HS3ST4: variants seen among roughly 807,000 people sequenced by gnomAD.
HS3ST4 encodes the protein heparan sulfate glucosamine 3-O-sulfotransferase 4.
A neutral mutation model predicts 29.2 loss-of-function variants in HS3ST4; 17 were observed. That is an observed-to-expected ratio of 0.58 (90% CI 0.40 to 0.87). The LOEUF is 0.87. Among genes scored for constraint, HS3ST4 ranks in the 40% least tolerant of loss-of-function variants. HS3ST4 has a pLI of 0.00. For synonymous variants in HS3ST4, 314 were observed against 285.7 expected (o/e 1.10, Z -1.00); for missense variants, 627 against 634.5 (o/e 0.99, Z 0.13).
chr16:26,109,871 CAT>C (rs1392612882), intron 1 of HS3ST4, among the ~76,000 whole-genome samples: 1 of 152,078 alleles, frequency 6.6e-6, no homozygotes, highest in Non-Finnish European at 1.5e-5. Flanking sequence ...AGCAAATTAA[CAT>C]ATCAATCACA....
In HS3ST4 at chr16:26,042,042, T is replaced by G. The variant is rs565334349; in HGVS notation, c.735-93570T>G. ...TGATCTACTGATGCATAATTGTTCC[T>G]GGCAAGCAGCAAAAGCTTGGCTGAA... On this transcript the variant is annotated intron_variant, in intron 1 of 1. Coordinates refer to ENST00000331351, the MANE Select transcript of HS3ST4 (RefSeq NM_006040.3). 3.9e-5 allele frequency among the ~76,000 whole-genome samples: 6 copies of G among 152,326 alleles called. No homozygotes were observed. In the East Asian group the frequency reaches 7.7e-4, roughly 20 times the overall value.
intron 1 of HS3ST4, among the ~76,000 whole-genome samples, chr16:26,025,595 A>G (rs1969462378): frequency 6.6e-6 from 1 of 152,188 alleles, no homozygotes; most frequent in South Asian, 2.1e-4. Flanking sequence ...GTTCTTTATT[A>G]GAGGGTACAG....
At chr16:25,961,239 CCTT>C (rs1248458739) in intron 1 of HS3ST4, among the ~76,000 whole-genome samples, 2 of 152,146 alleles carry the variant, frequency 1.3e-5, no homozygotes, top group African/African-American at 4.8e-5. Flanking sequence ...CATACTTACT[CCTT>C]CTGTGTGGAA....
chr16:25,956,440 A>G (rs1290218119), intron 1 of HS3ST4, among the ~76,000 whole-genome samples: 1 of 152,202 alleles, frequency 6.6e-6, no homozygotes, highest in African/African-American at 2.4e-5. Flanking sequence ...TATTCAACCT[A>G]ATACTCAAAG....
At chr16:26,051,322 C>T (rs1898343352) in intron 1 of HS3ST4, among the ~76,000 whole-genome samples, 1 of 152,124 alleles carries the variant, frequency 6.6e-6, no homozygotes, top group Non-Finnish European at 1.5e-5. Flanking sequence ...GAGCCATATG[C>T]AGATTTCAGG....
chr16:25,933,519 T>C (rs1043103873), intron 1 of HS3ST4: 1 of 425,452 alleles, frequency 2.4e-6, no homozygotes, highest in African/African-American at 2.1e-5. Context: ...GGCCTCTCTT[T>C]ATGAACTCTC....
At chr16:26,050,902 A>C (rs547215037) in intron 1 of HS3ST4, among the ~76,000 whole-genome samples, 2 of 152,334 alleles carry the variant, frequency 1.3e-5, no homozygotes, top group East Asian at 3.9e-4. Context: ...GCTTCTACTC[A>C]GAAGGCCTAA....
intron 1 of HS3ST4, among the ~76,000 whole-genome samples, chr16:26,106,232 G>C (rs186366952): frequency 6.6e-6 from 1 of 152,160 alleles, no homozygotes; most frequent in East Asian, 1.9e-4. Flanking sequence ...ACATTTCTTG[G>C]TGTCTGTTGA....
intron 1 of HS3ST4, among the ~76,000 whole-genome samples, chr16:26,133,227 G>A (rs1279914812): frequency 6.6e-6 from 1 of 151,948 alleles, no homozygotes; most frequent in African/African-American, 2.4e-5. Context: ...ACATTGAACC[G>A]GCATGATCCC....
chr16:25,980,468 C>T lies in HS3ST4; in HGVS notation c.735-155144C>T, dbSNP rs138545465. ...GACACCCTGTACTCCCTGACCACAG[C>T]GTTTATCACCATGTATCGAGTTCCA... On this transcript the variant is annotated intron_variant, in intron 1 of 1. Coordinates refer to ENST00000331351, the MANE Select transcript of HS3ST4 (RefSeq NM_006040.3). Among the ~76,000 whole-genome samples, 184 of 152,262 alleles carry T rather than the reference C, an allele frequency of 1.2e-3. 1 individual carries two copies. The highest frequency in any genetic ancestry group is 4.4e-3 in the African/African-American group (184 of 41,548).
intron 1 of HS3ST4, among the ~76,000 whole-genome samples, chr16:25,791,961 A>G (rs1215334769): frequency 2.0e-5 from 3 of 151,944 alleles, no homozygotes; most frequent in African/African-American, 7.2e-5. Context: ...GAAACTTGCA[A>G]TATTTTAAAT....
intron 1 of HS3ST4, among the ~76,000 whole-genome samples, chr16:25,777,504 C>T (rs1966848696): frequency 6.6e-6 from 1 of 152,112 alleles, no homozygotes; most frequent in South Asian, 2.1e-4. Flanking sequence ...CGCGGTGGCT[C>T]GCGCCTGTAA....
chr16:25,778,755 G>A (rs1237817427), intron 1 of HS3ST4, among the ~76,000 whole-genome samples: 3 of 152,020 alleles, frequency 2.0e-5, no homozygotes, highest in African/African-American at 7.2e-5. Context: ...AGAAGAAGGA[G>A]GAGGAGAAGA....
chr16:26,030,397 G>A (rs565165372), intron 1 of HS3ST4, among the ~76,000 whole-genome samples: 4 of 152,242 alleles, frequency 2.6e-5, no homozygotes, highest in South Asian at 2.1e-4. Context: ...CGGGTGAGAC[G>A]CCGTCTCTAA....
intron 1 of HS3ST4, among the ~76,000 whole-genome samples, chr16:25,958,519 C>T (rs1425161895): frequency 5.9e-5 from 9 of 152,038 alleles, no homozygotes; most frequent in South Asian, 2.1e-4. Context: ...TTAGTAGAGA[C>T]GGGGTTTCAC....
chr16:26,097,072 C>G (rs1176107628), intron 1 of HS3ST4, among the ~76,000 whole-genome samples: 1 of 151,958 alleles, frequency 6.6e-6, no homozygotes. Flanking sequence ...CACTGCTCAA[C>G]AAAATAAAAG....
At chr16:25,815,940 G>A (rs1967089286) in intron 1 of HS3ST4, among the ~76,000 whole-genome samples, 1 of 151,746 alleles carries the variant, frequency 6.6e-6, no homozygotes, top group South Asian at 2.1e-4. Flanking sequence ...TATTTTGGAG[G>A]GCCTTCTCAA....
intron 1 of HS3ST4, among the ~76,000 whole-genome samples, chr16:25,985,982 G>C (rs532718133): frequency 6.6e-6 from 1 of 152,182 alleles, no homozygotes; most frequent in East Asian, 1.9e-4. Context: ...ACCATAACTG[G>C]CCCTTCCTTT....
At chr16:25,743,598 C>T (rs4238919) in intron 1 of HS3ST4, among the ~76,000 whole-genome samples, 139,730 of 152,156 alleles carry the variant, frequency 0.92, 64,196 homozygotes, top group East Asian at 1. Context: ...CTCTGCCTCC[C>T]GGATTCAAGT....
Sources: gnomAD v4.1 joint callset for allele counts (sites outside exome capture counted in the v4.1 genomes callset) on GRCh38, gnomAD v4.1.1 for gene constraint, MANE v1.5 for transcripts, NCBI Gene and HGNC (gene_info 2026-07-23, HGNC 2026-07-21) for gene names.